Variants in TLN2 observed in about 807,000 individuals in gnomAD.
TLN2 encodes the protein talin-2.
TLN2 carries 118 observed loss-of-function variants against 294.7 expected under a neutral mutation model. That is an observed-to-expected ratio of 0.40 (90% CI 0.34 to 0.47). TLN2 has a LOEUF of 0.47. TLN2 is among the 20% of genes least tolerant of loss of function. The pLI is 0.84. For synonymous variants in TLN2, 1,431 were observed against 1,304.5 expected (o/e 1.10, Z -2.09); for missense variants, 3,083 against 3,282.2 (o/e 0.94, Z 1.48).
chr15:62,689,877 T>TTTAA lies in TLN2; in HGVS notation c.1114-2963_1114-2962insTTAA, dbSNP rs71131119. Among the ~76,000 whole-genome samples the TTTAA allele has an allele frequency of 2.0e-4, 2 of 9,834 alleles. 1 individual carries two copies. The highest frequency in any genetic ancestry group is 5.8e-4 in the Non-Finnish European group (2 of 3,428). The allele number at this position is 9,834 out of a possible 152,430, so 6.5% of individuals were successfully genotyped here. A position where few individuals can be genotyped will look rare whatever the true frequency, so the allele number is the denominator to read the frequency against. On this transcript the variant is annotated intron_variant, in intron 12 of 58. Transcript: ENST00000636159. ...TTTTTTTTTTTTTTTTTTTTTTTTT[T>TTTAA]ATTGGCTGACCCCCCTTCCTCCCTC...
intron 50 of TLN2, among the ~76,000 whole-genome samples, chr15:62,802,163 C>A (rs931950245): frequency 1.3e-5 from 2 of 152,060 alleles, no homozygotes; most frequent in African/African-American, 4.8e-5. Context: ...CCCTCTATCT[C>A]CATGAGTTCA....
intron 37 of TLN2, among the ~76,000 whole-genome samples, chr15:62,758,878 T>C (rs1393324063): frequency 6.6e-6 from 1 of 152,132 alleles, no homozygotes; most frequent in Non-Finnish European, 1.5e-5. Flanking sequence ...CAGGTGCTGG[T>C]TTTATTGTCT....
At chr15:62,815,808 A>G (rs996618801) in intron 52 of TLN2, among the ~76,000 whole-genome samples, 4 of 152,188 alleles carry the variant, frequency 2.6e-5, no homozygotes, top group African/African-American at 7.2e-5. Context: ...AGTTTATCCT[A>G]TTTGCTTCAG....
chr15:62,667,641 G>A (rs1446971320), intron 9 of TLN2, among the ~76,000 whole-genome samples: 3 of 152,158 alleles, frequency 2.0e-5, no homozygotes, highest in Non-Finnish European at 4.4e-5. Context: ...TTAGAGAAAC[G>A]GTGACTTCCC....
intron 1 of TLN2, among the ~76,000 whole-genome samples, chr15:62,547,708 C>T (rs1432766842): frequency 6.6e-6 from 1 of 152,190 alleles, no homozygotes; most frequent in Non-Finnish European, 1.5e-5. Flanking sequence ...TTTTAGAACA[C>T]AGGAGTTAGT....
intron 1 of TLN2, among the ~76,000 whole-genome samples, chr15:62,452,410 G>A (rs1441975661): frequency 2.0e-5 from 3 of 152,232 alleles, no homozygotes; most frequent in Non-Finnish European, 2.9e-5. Flanking sequence ...AACTGGAAAT[G>A]AGAAGGACGT....
intron 46 of TLN2, among the ~76,000 whole-genome samples, chr15:62,794,991 C>T (rs1438177944): frequency 6.6e-6 from 1 of 152,162 alleles, no homozygotes; most frequent in Non-Finnish European, 1.5e-5. Flanking sequence ...CAGCCACTAG[C>T]CTGACACATG....
chr15:62,622,016 C>T (rs1233992869), intron 3 of TLN2, among the ~76,000 whole-genome samples: 1 of 151,906 alleles, frequency 6.6e-6, no homozygotes, highest in Non-Finnish European at 1.5e-5. Flanking sequence ...AAAAAACATG[C>T]TTTCCCATCC....
At chr15:62,770,761 G>A (rs181565693) in intron 41 of TLN2, among the ~76,000 whole-genome samples, 2 of 152,274 alleles carry the variant, frequency 1.3e-5, no homozygotes, top group Admixed American at 1.3e-4. Flanking sequence ...TATTTAGAGA[G>A]ATGAAGAACT....
intron 32 of TLN2, among the ~76,000 whole-genome samples, chr15:62,746,460 T>A (rs2061617149): frequency 6.6e-6 from 1 of 152,214 alleles, no homozygotes; most frequent in Non-Finnish European, 1.5e-5. Flanking sequence ...TAAATAGTGG[T>A]CACCAAATAA....
chr15:62,788,501 G>A (rs1033850396), intron 45 of TLN2, among the ~76,000 whole-genome samples: 2 of 152,172 alleles, frequency 1.3e-5, no homozygotes, highest in African/African-American at 4.8e-5. Flanking sequence ...GTCAGATGCT[G>A]TGATGGGCCC....
intron 28 of TLN2, among the ~76,000 whole-genome samples, chr15:62,729,676 C>T (rs1053980643): frequency 6.6e-6 from 1 of 151,994 alleles, no homozygotes; most frequent in South Asian, 2.1e-4. Flanking sequence ...TTGGGGAGGG[C>T]AGAGAGTATT....
chr15:62,607,938 A>G (rs1334912001), intron 2 of TLN2, among the ~76,000 whole-genome samples: 2 of 152,060 alleles, frequency 1.3e-5, no homozygotes, highest in Admixed American at 1.3e-4. Context: ...CTAATGTCTA[A>G]CCTCAAGGAC....
At chr15:62,703,698 T>G (rs1478258318) in intron 19 of TLN2, among the ~76,000 whole-genome samples, 1 of 152,178 alleles carries the variant, frequency 6.6e-6, no homozygotes. Flanking sequence ...TGGTTTATTT[T>G]TTGTGTCTTA....
At chr15:62,602,593 G>A (rs1188680846) in intron 2 of TLN2, among the ~76,000 whole-genome samples, 1 of 152,184 alleles carries the variant, frequency 6.6e-6, no homozygotes, top group Non-Finnish European at 1.5e-5. Context: ...TCTGGAGGCT[G>A]GGAATTCCAG....
At position 62,499,764 on chromosome 15, in the gene TLN2, C is replaced by T. The variant is rs138985414; in HGVS notation, c.-237-89923C>T. On this transcript the variant is annotated intron_variant, in intron 1 of 58. Transcript: ENST00000636159. ...GATTACAGGCATGTTCCACCATGCC[C>T]GGTTAATTTTGTATTTTTAGTAGAG... Among the ~76,000 whole-genome samples the T allele has an allele frequency of 7.2e-5, 11 of 152,024 alleles. No individual in the cohort carries two copies. The South Asian group carries it at 8.3e-4, about 12-fold the overall frequency.
In TLN2 at chr15:62,796,223, G is replaced by A. The variant is rs2065467422; in HGVS notation, c.5980G>A (p.Asp1994Asn). Residue 1994 changes from aspartate (D) to asparagine (N), a missense_variant, in exon 47 of 59, where the codon GAC becomes AAC. Physicochemically the swap from Asp to Asn is conservative, Grantham distance 23. Coordinates refer to ENST00000636159, the MANE Select transcript of TLN2 (RefSeq NM_015059.3). ...TGTGTCTGGGATCATTGCCGACCTG[G>A]ACACCACCATTATGTTTGCAACAGC... The part of the protein sequence containing the change: ...TAVSGIIADL[D>N]TTIMFATAGT... 1 of 1,614,088 alleles carries A rather than the reference G, an allele frequency of 6.2e-7. No individual in the cohort carries two copies. Among genetic ancestry groups the A allele is most frequent in the African/African-American group, 1.3e-5 (1 of 74,920 alleles).
chr15:62,424,379 C>T (rs2034584422), intron 1 of TLN2, among the ~76,000 whole-genome samples: 1 of 152,178 alleles, frequency 6.6e-6, no homozygotes, highest in Non-Finnish European at 1.5e-5. Context: ...TGGTGAAGGC[C>T]TCAGGTAGGC....
rs1051951289 is a variant in TLN2 at position 62,553,479 on chromosome 15, C to T, written c.-237-36208C>T. ...CAGTGTGGGCGACAGAGCGAGACTCCGTCTCAAAAAAAAGAAAAAAAAAAT... is the reference window on the plus strand; with the variant it reads ...CAGTGTGGGCGACAGAGCGAGACTCTGTCTCAAAAAAAAGAAAAAAAAAAT... On this transcript the variant is annotated intron_variant, in intron 1 of 58. Coordinates refer to ENST00000636159, the MANE Select transcript of TLN2 (RefSeq NM_015059.3). 5.9e-5 allele frequency among the ~76,000 whole-genome samples: 9 copies of T among 151,266 alleles called. No homozygotes were observed. In the South Asian group the frequency reaches 8.4e-4, roughly 14 times the overall value.
Sources: allele counts gnomAD v4.1 joint callset (sites outside exome capture counted in the v4.1 genomes callset), GRCh38; gene constraint gnomAD v4.1.1; transcripts MANE v1.5; gene names NCBI Gene and HGNC (gene_info 2026-07-23, HGNC 2026-07-21).